Variants in PLCE1 observed in about 807,000 individuals in gnomAD.
PLCE1 encodes the protein phospholipase C epsilon 1.
A neutral mutation model predicts 242.8 loss-of-function variants in PLCE1; 119 were observed. The observed-to-expected ratio is 0.49, with a 90% CI of 0.42 to 0.57. PLCE1 has a LOEUF of 0.57. Ranked by LOEUF, PLCE1 falls within the 20% of genes least tolerant of loss-of-function variation. The probability of loss-of-function intolerance (pLI) is 0.00; values close to 1 mark genes in which losing one functional copy is unlikely to be tolerated. For missense variants in PLCE1, 2,441 were observed against 2,788.8 expected, an observed-to-expected ratio of 0.88 and a Z score of 2.81; for synonymous variants, 945 against 1,017.4, an observed-to-expected ratio of 0.93 and a Z score of 1.35.
intron 1 of PLCE1, among the ~76,000 whole-genome samples, chr10:94,027,649 G>A (rs888882472): frequency 1.3e-5 from 2 of 151,926 alleles, no homozygotes. Flanking sequence ...GTGAAACCCC[G>A]TCTCCACTAA....
intron 9 of PLCE1, 48 bp downstream of exon 9, chr10:94,252,546 G>A (rs548285411): frequency 1.1e-4 from 159 of 1,471,516 alleles, no homozygotes; most frequent in Admixed American, 5.5e-4. Context: ...TTCCAGGACC[G>A]CTGTATGGTG....
rs977054750 is a variant in PLCE1, at chr10:94,313,370, G to C, written c.6120G>C (p.Gln2040His). The change falls in exon 28 of 33, where the codon CAG (glutamine) becomes CAC (histidine). Residue 2040 changes from glutamine to histidine, a missense_variant. Physicochemically the swap from Gln to His is conservative, Grantham distance 24. Transcript: ENST00000371380. ...FTINGGTKAK[Q>H]LLQQILTNEQ... ...TTAATGGAGGCACCAAGGCAAAGCAGCTTCTGCAGCAAGTAAGTCCACTGA... is the reference window on the plus strand; with the variant it reads ...TTAATGGAGGCACCAAGGCAAAGCACCTTCTGCAGCAAGTAAGTCCACTGA... The C allele has an allele frequency of 6.2e-7, 1 of 1,614,172 alleles. No homozygotes were observed. Among genetic ancestry groups the C allele is most frequent in the Non-Finnish European group, 8.5e-7 (1 of 1,180,010 alleles).
At chr10:94,114,519 TGAA>T (rs2046056896) in intron 2 of PLCE1, among the ~76,000 whole-genome samples, 1 of 152,204 alleles carries the variant, frequency 6.6e-6, no homozygotes, top group Non-Finnish European at 1.5e-5. Flanking sequence ...AGTTCATTCA[TGAA>T]GATTTTTCCA....
intron 30 of PLCE1, among the ~76,000 whole-genome samples, chr10:94,322,739 C>A (rs949889816): frequency 1.6e-4 from 25 of 151,570 alleles, no homozygotes; most frequent in Non-Finnish European, 2.1e-4. Context: ...GAGCCGAGAT[C>A]ATGCCATTGC....
intron 30 of PLCE1, among the ~76,000 whole-genome samples, chr10:94,322,602 T>C (rs1347157683): frequency 2.0e-5 from 3 of 151,940 alleles, no homozygotes; most frequent in Non-Finnish European, 2.9e-5. Flanking sequence ...CTGGCCAACA[T>C]GGTGAAACCC....
chr10:94,219,149 G>C (rs537167276), intron 4 of PLCE1, among the ~76,000 whole-genome samples: 2 of 151,722 alleles, frequency 1.3e-5, no homozygotes, highest in African/African-American at 4.8e-5. Context: ...GTTTACTAGC[G>C]CCCAGCACAG....
chr10:94,151,766 G>A (rs2047283276), intron 3 of PLCE1, among the ~76,000 whole-genome samples: 1 of 152,172 alleles, frequency 6.6e-6, no homozygotes, highest in African/African-American at 2.4e-5. Flanking sequence ...GCCACAGTAA[G>A]GTAGTGTCCT....
rs768706217 is a variant in PLCE1, at chr10:94,304,570, C to G, written c.5547C>G (p.Asn1849Lys). The G allele has an allele frequency of 6.2e-7, 1 of 1,613,584 alleles. No individual in the cohort carries two copies. The highest frequency in any genetic ancestry group is 8.5e-7 in the Non-Finnish European group (1 of 1,179,498). Residue 1849 changes from asparagine (N) to lysine (K), a missense_variant, in exon 25 of 33, where the codon AAC (asparagine) becomes AAG (lysine). Coordinates refer to ENST00000371380, the MANE Select transcript of PLCE1 (RefSeq NM_016341.4). ...AACCTCCAGTTCTGTGGGACAAGAA[C>G]TGCCCCATGTATCAGAAGTTTTCTC... is the stretch of plus-strand genomic sequence containing the variant. ...VLKPPVLWDK[N>K]CPMYQKFSPL...
intron 3 of PLCE1, among the ~76,000 whole-genome samples, chr10:94,156,519 G>A (rs2047438695): frequency 6.6e-6 from 1 of 152,214 alleles, no homozygotes; most frequent in African/African-American, 2.4e-5. Context: ...AGAGCAACGT[G>A]TGGGGAAGGA....
At chr10:94,074,877 A>G (rs1434120095) in intron 2 of PLCE1, among the ~76,000 whole-genome samples, 1 of 152,216 alleles carries the variant, frequency 6.6e-6, no homozygotes, top group Non-Finnish European at 1.5e-5. Context: ...AATAACTTGT[A>G]TAATATTAAG....
intron 29 of PLCE1, among the ~76,000 whole-genome samples, chr10:94,320,136 C>G (rs1054374772): frequency 1.3e-5 from 2 of 152,038 alleles, no homozygotes; most frequent in Non-Finnish European, 2.9e-5. Flanking sequence ...CTCAATCTTA[C>G]TCTCTGACTG....
chr10:94,103,053 C>G, intron 2 of PLCE1, among the ~76,000 whole-genome samples: 1 of 152,202 alleles, frequency 6.6e-6, no homozygotes, highest in South Asian at 2.1e-4. Context: ...AATAAACTGC[C>G]CATCACAATC....
chr10:94,060,607 T>G lies in PLCE1; in HGVS notation c.1206+28355T>G, dbSNP rs941294572. Among the ~76,000 whole-genome samples the G allele has an allele frequency of 4.6e-5, 7 of 152,238 alleles. 1 individual carries two copies. In the South Asian group the frequency reaches 1.2e-3, roughly 27 times the overall value. ...TATATTGAACTCCTAGACTCTCTGA[T>G]TGCAAAGTAGGAAATATTTTTTGCA... is the stretch of plus-strand genomic sequence containing the variant. On this transcript the variant is annotated intron_variant, in intron 2 of 32. Transcript: ENST00000371380.
At chr10:94,280,013 C>T (rs1351121758) in intron 20 of PLCE1, 102 bp downstream of exon 20, 1 of 1,176,530 alleles carries the variant, frequency 8.5e-7, no homozygotes. Context: ...ACCAGTAATA[C>T]GGATGGTTGT....
At chr10:94,178,423 A>G (rs1446845634) in intron 4 of PLCE1, among the ~76,000 whole-genome samples, 6 of 152,098 alleles carry the variant, frequency 3.9e-5, no homozygotes, top group Admixed American at 1.3e-4. Flanking sequence ...CCCCTCCCCA[A>G]TTCTGTGTGG....
rs1554877545 is a variant in PLCE1, at chr10:94,179,512, G to GTTTTTTTTTTTTTTTTTTTTTT, written c.1809+8034_1809+8035insTTTTTTTTTTTTTTTTTTTTTT. On this transcript the variant is annotated intron_variant, in intron 4 of 32. Transcript: ENST00000371380. ...TTTATCTTATTTTTATTTTAGTTTA[G>GTTTTTTTTTTTTTTTTTTTTTT]TTTTTTTTTTTTTTTTTTGACAGGG... Among the ~76,000 whole-genome samples, 193 of 19,332 alleles carry GTTTTTTTTTTTTTTTTTTTTTT rather than the reference G, an allele frequency of 1.0e-2. 21 individuals carry two copies. The highest frequency in any genetic ancestry group is 0.019 in the South Asian group (8 of 424). 12.7% of individuals were successfully genotyped at this position (19,332 alleles called of 152,430 possible).
At chr10:94,264,981 G>C (rs1393021827) in intron 14 of PLCE1, among the ~76,000 whole-genome samples, 1 of 152,184 alleles carries the variant, frequency 6.6e-6, no homozygotes, top group Non-Finnish European at 1.5e-5. Flanking sequence ...ATTTTAAGTG[G>C]TTACTCTGGC....
chr10:94,096,641 G>A (rs2045324440), intron 2 of PLCE1: 1 of 152,030 alleles, frequency 6.6e-6, no homozygotes. Context: ...GATTTGAGTG[G>A]GGACACAACC....
chr10:94,176,133 T>G (rs1355805916), intron 4 of PLCE1, among the ~76,000 whole-genome samples: 1 of 152,120 alleles, frequency 6.6e-6, no homozygotes, highest in African/African-American at 2.4e-5. Flanking sequence ...GCATAGCAGC[T>G]CATACCTATA....
Sources: gnomAD v4.1 joint callset for allele counts (sites outside exome capture counted in the v4.1 genomes callset) on GRCh38, gnomAD v4.1.1 for gene constraint, MANE v1.5 for transcripts, NCBI Gene and HGNC (gene_info 2026-07-23, HGNC 2026-07-21) for gene names.